Variants in IMMP2L observed in about 807,000 individuals in gnomAD.
IMMP2L encodes inner mitochondrial membrane peptidase subunit 2.
A neutral mutation model predicts 19.3 loss-of-function variants in IMMP2L; 18 were observed. The ratio of observed to expected loss-of-function variants is 0.93; its 90% confidence interval spans 0.64 to 1.38. The LOEUF is 1.38. Ranked by LOEUF, IMMP2L falls within the 40% of genes most tolerant of loss-of-function variation. The pLI is 0.00. For missense variants in IMMP2L, 233 were observed against 218.2 expected, an observed-to-expected ratio of 1.07 and a Z score of -0.43; for synonymous variants, 76 against 73.0, an observed-to-expected ratio of 1.04 and a Z score of -0.21.
chr7:111,307,357 A>G (rs1209621940), intron 3 of IMMP2L, among the ~76,000 whole-genome samples: 3 of 151,702 alleles, frequency 2.0e-5, no homozygotes, highest in African/African-American at 4.8e-5. Context: ...CGAGTCACTA[A>G]GTTTTGATTT....
chr7:110,766,581 TAAAA>T (rs772192515), intron 5 of IMMP2L, among the ~76,000 whole-genome samples: 2 of 96,802 alleles, frequency 2.1e-5, no homozygotes, highest in Admixed American at 1.2e-4. Flanking sequence ...AGACTTCATT[TAAAA>T]AAAAAAAAAA....
rs1019462796 is a variant in IMMP2L, at chr7:111,414,306, G to A, written c.239+72932C>T. ...TAGCTTCCTGAATCAACAAACTAGG[G>A]TGCATCCATGTAATCAAATATTAGT... On this transcript the variant is annotated intron_variant, in intron 3 of 5. Coordinates refer to ENST00000405709, the MANE Select transcript of IMMP2L (RefSeq NM_032549.4). Among the ~76,000 whole-genome samples the A allele has an allele frequency of 1.6e-4, 25 of 151,902 alleles. 1 individual carries two copies. The highest frequency in any genetic ancestry group is 5.8e-4 in the African/African-American group (24 of 41,254).
chr7:111,291,967 C>T (rs937296024), intron 3 of IMMP2L, among the ~76,000 whole-genome samples: 10 of 152,176 alleles, frequency 6.6e-5, no homozygotes, highest in African/African-American at 2.4e-4. Context: ...AAAAGTTCTA[C>T]CTAAATCACT....
At chr7:110,918,064 T>C (rs895897919) in intron 4 of IMMP2L, among the ~76,000 whole-genome samples, 1 of 152,180 alleles carries the variant, frequency 6.6e-6, no homozygotes, top group Non-Finnish European at 1.5e-5. Flanking sequence ...CAGGAGTAAA[T>C]GAAATTAATG....
intron 3 of IMMP2L, among the ~76,000 whole-genome samples, chr7:111,308,756 C>T (rs1823170750): frequency 6.6e-6 from 1 of 151,918 alleles, no homozygotes; most frequent in Non-Finnish European, 1.5e-5. Flanking sequence ...ATGTATTCTT[C>T]AATAATAATT....
intron 3 of IMMP2L, among the ~76,000 whole-genome samples, chr7:111,121,596 A>T (rs1800623564): frequency 1.3e-5 from 2 of 152,180 alleles, no homozygotes; most frequent in Admixed American, 1.3e-4. Flanking sequence ...GCTAGAGAGG[A>T]TGTGGAGAAA....
intron 5 of IMMP2L, among the ~76,000 whole-genome samples, chr7:110,726,284 T>C (rs1273949193): frequency 2.0e-5 from 3 of 152,210 alleles, no homozygotes; most frequent in Admixed American, 6.5e-5. Context: ...ATGTGAAATA[T>C]ATAACACTCC....
At chr7:111,242,926 A>G (rs1302241317) in intron 3 of IMMP2L, among the ~76,000 whole-genome samples, 5 of 152,046 alleles carry the variant, frequency 3.3e-5, no homozygotes, top group Non-Finnish European at 7.4e-5. Context: ...TCTCTAACTC[A>G]CTGGTATTTC....
intron 3 of IMMP2L, chr7:111,124,817 A>G (rs1246337990): frequency 6.2e-7 from 1 of 1,613,226 alleles, no homozygotes; most frequent in Admixed American, 1.7e-5. Flanking sequence ...CCTCTGATAA[A>G]TCTCTGGGAA....
intron 5 of IMMP2L, among the ~76,000 whole-genome samples, chr7:110,810,492 T>C (rs1801962898): frequency 6.6e-6 from 1 of 152,078 alleles, no homozygotes; most frequent in Admixed American, 6.6e-5. Context: ...AGAGCTGAAT[T>C]GTTGACATGA....
intron 5 of IMMP2L, among the ~76,000 whole-genome samples, chr7:110,789,433 C>T (rs1396895085): frequency 6.6e-6 from 1 of 151,744 alleles, no homozygotes; most frequent in South Asian, 2.1e-4. Context: ...CTATGAAGTC[C>T]AGCTCTTTCT....
intron 5 of IMMP2L, among the ~76,000 whole-genome samples, chr7:110,687,042 C>A (rs1793165320): frequency 6.6e-6 from 1 of 152,066 alleles, no homozygotes; most frequent in African/African-American, 2.4e-5. Context: ...TGAACAAGTT[C>A]CATACAAGTT....
At chr7:110,935,421 C>T (rs886335194) in intron 4 of IMMP2L, among the ~76,000 whole-genome samples, 11 of 103,996 alleles carry the variant, frequency 1.1e-4, no homozygotes, top group Admixed American at 7.1e-4. Context: ...TCTCTGGCTG[C>T]CCTTTACATT....
chr7:111,345,318 A>T (rs1827429352), intron 3 of IMMP2L, among the ~76,000 whole-genome samples: 1 of 152,022 alleles, frequency 6.6e-6, no homozygotes, highest in African/African-American at 2.4e-5. Context: ...GATCAGGTTC[A>T]TTTCCTCTTG....
At chr7:110,842,907 T>A (rs1563017129) in intron 5 of IMMP2L, among the ~76,000 whole-genome samples, 2 of 152,154 alleles carry the variant, frequency 1.3e-5, no homozygotes. Context: ...CTGAAAATTA[T>A]GGGCAGAGCA....
chr7:111,192,763 A>T (rs537703802), intron 3 of IMMP2L, among the ~76,000 whole-genome samples: 25 of 152,256 alleles, frequency 1.6e-4, no homozygotes, highest in African/African-American at 6.0e-4. Flanking sequence ...AAAGTACACA[A>T]AGAGAAGATC....
chr7:110,684,125 C>T (rs545838237), intron 5 of IMMP2L, among the ~76,000 whole-genome samples: 66 of 152,122 alleles, frequency 4.3e-4, no homozygotes, highest in Middle Eastern at 3.4e-3. Flanking sequence ...TGAGCCATGT[C>T]AAATATAACA....
At chr7:111,005,300 A>T (rs925121964) in intron 3 of IMMP2L, among the ~76,000 whole-genome samples, 2 of 152,190 alleles carry the variant, frequency 1.3e-5, no homozygotes, top group Non-Finnish European at 2.9e-5. Flanking sequence ...TATAGGAGAA[A>T]ATAATAGAAG....
chr7:111,195,691 T>G lies in IMMP2L; in HGVS notation c.240-232126A>C, dbSNP rs1243269030. 5.9e-5 allele frequency among the ~76,000 whole-genome samples: 9 copies of G among 152,066 alleles called. 1 individual carries two copies. Among genetic ancestry groups the G allele is most frequent in the African/African-American group, 2.2e-4 (9 of 41,270 alleles). ...CCATTGACTACCCTATGAGTTCCTT[T>G]TTATGAGTGTCGACGATTCTAAAAT... is the stretch of plus-strand genomic sequence containing the variant. On this transcript the variant is annotated intron_variant, in intron 3 of 5. Transcript: ENST00000405709.
Sources: allele counts gnomAD v4.1 joint callset (sites outside exome capture counted in the v4.1 genomes callset), GRCh38; gene constraint gnomAD v4.1.1; transcripts MANE v1.5; gene names NCBI Gene and HGNC (gene_info 2026-07-23, HGNC 2026-07-21).